The following PRKG1 variants were observed in gnomAD, a reference collection of about 807,000 sequenced individuals.
The protein encoded by PRKG1 is protein kinase cGMP-dependent 1, also known as cGMP-dependent protein kinase 1.
PRKG1 carries 35 observed loss-of-function variants against 88.1 expected under a neutral mutation model. The observed-to-expected ratio is 0.40, with a 90% CI of 0.30 to 0.53. The LOEUF is 0.53. Among genes scored for constraint, PRKG1 ranks in the 20% least tolerant of loss-of-function variants. PRKG1 has a pLI of 0.59. For synonymous variants in PRKG1, 303 were observed against 292.5 expected, an observed-to-expected ratio of 1.04 and a Z score of -0.37; for missense variants, 540 against 839.8, an observed-to-expected ratio of 0.64 and a Z score of 4.41.
chr10:51,319,568 T>G (rs1390263162), intron 2 of PRKG1, among the ~76,000 whole-genome samples: 1 of 152,166 alleles, frequency 6.6e-6, no homozygotes, highest in South Asian at 2.1e-4. Context: ...ATATCTGTCT[T>G]TTAGAAGTAC....
chr10:51,856,889 G>A (rs1461993069), intron 4 of PRKG1, among the ~76,000 whole-genome samples: 2 of 151,734 alleles, frequency 1.3e-5, no homozygotes, highest in Non-Finnish European at 1.5e-5. Flanking sequence ...GAGTGAACCT[G>A]GGAGGCGGAG....
chr10:51,721,229 A>AG (rs1286023456), intron 3 of PRKG1, among the ~76,000 whole-genome samples: 73 of 137,780 alleles, frequency 5.3e-4, no homozygotes, highest in African/African-American at 1.9e-3. Context: ...AAAAAAAAAA[A>AG]AAAGAAAAAA....
chr10:51,113,724 T>C (rs1261576576), intron 1 of PRKG1, among the ~76,000 whole-genome samples: 1 of 62,948 alleles, frequency 1.6e-5, no homozygotes, highest in Non-Finnish European at 3.1e-5. Context: ...TTGAGCATTC[T>C]ATTTAAAAAA....
At chr10:51,371,254 A>T (rs564544177) in intron 2 of PRKG1, among the ~76,000 whole-genome samples, 2 of 152,066 alleles carry the variant, frequency 1.3e-5, no homozygotes, top group South Asian at 4.2e-4. Context: ...AATGATGATC[A>T]TGCCAGGAAT....
At chr10:51,551,186 C>T (rs1449154617) in intron 3 of PRKG1, among the ~76,000 whole-genome samples, 4 of 151,832 alleles carry the variant, frequency 2.6e-5, no homozygotes, top group Non-Finnish European at 3.0e-5. Flanking sequence ...TTCACGTTGA[C>T]AACTCTACAT....
chr10:51,132,774 CA>C (rs1230863313), intron 1 of PRKG1, among the ~76,000 whole-genome samples: 1 of 149,136 alleles, frequency 6.7e-6, no homozygotes, highest in African/African-American at 2.4e-5. Flanking sequence ...GTTAAAAAGG[CA>C]GATGGTAAAA....
chr10:52,229,843 T>C (rs1840480695), intron 9 of PRKG1, among the ~76,000 whole-genome samples: 1 of 152,166 alleles, frequency 6.6e-6, no homozygotes, highest in Admixed American at 6.5e-5. Context: ...TTGTGAAAAG[T>C]ATATTAAATT....
At chr10:51,964,195 G>A (rs1027779759) in intron 5 of PRKG1, among the ~76,000 whole-genome samples, 1 of 152,056 alleles carries the variant, frequency 6.6e-6, no homozygotes, top group Non-Finnish European at 1.5e-5. Flanking sequence ...TGGTGTTTGG[G>A]TTCACTGGAT....
At chr10:51,703,544 A>G (rs1841527027) in intron 3 of PRKG1, among the ~76,000 whole-genome samples, 1 of 152,166 alleles carries the variant, frequency 6.6e-6, no homozygotes, top group South Asian at 2.1e-4. Context: ...TCTAAACTGT[A>G]AAATCATTAT....
At chr10:51,232,749 C>G (rs189364193) in intron 2 of PRKG1, among the ~76,000 whole-genome samples, 1 of 152,180 alleles carries the variant, frequency 6.6e-6, no homozygotes, top group South Asian at 2.1e-4. Context: ...AATTCTTGTC[C>G]TCCCCTGTGC....
At chr10:52,049,042 T>C (rs1402293518) in intron 5 of PRKG1, among the ~76,000 whole-genome samples, 3 of 152,162 alleles carry the variant, frequency 2.0e-5, no homozygotes, top group Non-Finnish European at 2.9e-5. Context: ...AAGACTGTGA[T>C]AGAAGACTCT....
chr10:51,868,015 A>G (rs1388136529), intron 4 of PRKG1, among the ~76,000 whole-genome samples: 2 of 152,148 alleles, frequency 1.3e-5, no homozygotes, highest in Non-Finnish European at 2.9e-5. Flanking sequence ...CATGGCCTGT[A>G]TATACCAGTG....
chr10:52,293,377 C>A (rs1003301588), intron 17 of PRKG1, among the ~76,000 whole-genome samples: 20 of 151,544 alleles, frequency 1.3e-4, no homozygotes, highest in African/African-American at 3.2e-4. Context: ...CATCAAGCTA[C>A]CAATGACTTT....
chr10:52,029,108 G>C (rs1396128208), intron 5 of PRKG1, among the ~76,000 whole-genome samples: 2 of 152,178 alleles, frequency 1.3e-5, no homozygotes, highest in Non-Finnish European at 2.9e-5. Context: ...GCTGCTAATA[G>C]AGCGGGCTGG....
At chr10:51,332,266 T>C (rs1471074710) in intron 2 of PRKG1, among the ~76,000 whole-genome samples, 1 of 152,186 alleles carries the variant, frequency 6.6e-6, no homozygotes, top group Non-Finnish European at 1.5e-5. Flanking sequence ...GAGGTCCTAA[T>C]GAAATTCACA....
intron 5 of PRKG1, among the ~76,000 whole-genome samples, chr10:51,945,591 T>A (rs1160723529): frequency 1.3e-5 from 2 of 151,896 alleles, no homozygotes; most frequent in African/African-American, 4.8e-5. Flanking sequence ...CAGTGGCTGG[T>A]ATGGGTTGTT....
intron 1 of PRKG1, among the ~76,000 whole-genome samples, chr10:51,001,935 A>C (rs1842894068): frequency 6.9e-6 from 1 of 144,702 alleles, no homozygotes; most frequent in African/African-American, 2.6e-5. Flanking sequence ...TGAAAAGTGT[A>C]TTATCAAGTA....
At chr10:52,024,276 CTACTT>C (rs1845268212) in intron 5 of PRKG1, among the ~76,000 whole-genome samples, 1 of 151,318 alleles carries the variant, frequency 6.6e-6, no homozygotes, top group Non-Finnish European at 1.5e-5. Flanking sequence ...TTGGAAAAAA[CTACTT>C]TACTTATTTA....
At chr10:51,080,055 C>T (rs1197418607) in intron 1 of PRKG1, among the ~76,000 whole-genome samples, 1 of 152,072 alleles carries the variant, frequency 6.6e-6, no homozygotes, top group African/African-American at 2.4e-5. Context: ...GAGTTAAATT[C>T]CAACCTAATG....
Sources: allele counts gnomAD v4.1 joint callset (sites outside exome capture counted in the v4.1 genomes callset), GRCh38; gene constraint gnomAD v4.1.1; transcripts MANE v1.5; gene names NCBI Gene and HGNC (gene_info 2026-07-23, HGNC 2026-07-21).